Variants in COBL observed in about 807,000 individuals in gnomAD.
COBL encodes cordon-bleu WH2 repeat protein.
Under a neutral mutation model 98.8 loss-of-function variants are expected in COBL, and 51 were observed. The ratio of observed to expected loss-of-function variants is 0.52; its 90% CI spans 0.41 to 0.65. COBL has a LOEUF of 0.65. Among genes scored for constraint, COBL ranks in the 30% least tolerant of loss-of-function variants. COBL has a pLI of 0.00. For missense variants in COBL, 1,617 were observed against 1,617.5 expected, an observed-to-expected ratio of 1.00 and a Z score of 0.01; for synonymous variants, 634 against 651.7, an observed-to-expected ratio of 0.97 and a Z score of 0.41.
chr7:51,114,094 T>A (rs1244529866), intron 6 of COBL, among the ~76,000 whole-genome samples: 1 of 152,206 alleles, frequency 6.6e-6, no homozygotes, highest in South Asian at 2.1e-4. Context: ...TGGGTCTACA[T>A]AAGCGATCTC....
intron 1 of COBL, among the ~76,000 whole-genome samples, chr7:51,285,145 A>T (rs6950642): frequency 6.6e-6 from 1 of 151,558 alleles, no homozygotes; most frequent in Admixed American, 6.6e-5. Context: ...CAGGGTTTCA[A>T]CATCTTGGCC....
intron 2 of COBL, among the ~76,000 whole-genome samples, chr7:51,202,839 G>C (rs1791262320): frequency 6.6e-6 from 1 of 152,144 alleles, no homozygotes; most frequent in Admixed American, 6.5e-5. Flanking sequence ...TCAGGAGTTA[G>C]AGACCAGCCT....
intron 7 of COBL, chr7:51,064,472 GGATA>G (rs1298803528): frequency 1.3e-5 from 2 of 152,086 alleles, no homozygotes; most frequent in Non-Finnish European, 1.5e-5. Flanking sequence ...GACAATGGAT[GGATA>G]AAGAAAATGT....
intron 7 of COBL, among the ~76,000 whole-genome samples, chr7:51,064,193 T>C (rs552349053): frequency 1.3e-5 from 2 of 152,310 alleles, no homozygotes; most frequent in East Asian, 3.9e-4. Context: ...CTACTGTGAT[T>C]GGTTCAGGAA....
chr7:51,315,658 C>T (rs910834202), intron 1 of COBL, among the ~76,000 whole-genome samples: 2 of 152,206 alleles, frequency 1.3e-5, no homozygotes, highest in South Asian at 2.1e-4. Context: ...GCGCTGAAAA[C>T]TACAAAGTCC....
At chr7:51,142,939 G>A (rs1784675676) in intron 5 of COBL, among the ~76,000 whole-genome samples, 2 of 152,146 alleles carry the variant, frequency 1.3e-5, no homozygotes, top group African/African-American at 4.8e-5. Flanking sequence ...AGTGGCCACA[G>A]CAGACCGCAG....
chr7:51,310,605 C>G (rs779410127), intron 1 of COBL, among the ~76,000 whole-genome samples: 1 of 152,104 alleles, frequency 6.6e-6, no homozygotes. Context: ...GAGATGGGAT[C>G]GACCAGCCAG....
intron 6 of COBL, among the ~76,000 whole-genome samples, chr7:51,110,079 T>C (rs1256888741): frequency 1.3e-5 from 2 of 152,236 alleles, no homozygotes; most frequent in Non-Finnish European, 2.9e-5. Context: ...GTAATTGGGA[T>C]ATCTTTAACC....
intron 7 of COBL, among the ~76,000 whole-genome samples, chr7:51,061,943 C>CCACACACACACACACA (rs1298316823): frequency 2.6e-4 from 9 of 35,286 alleles, no homozygotes; most frequent in African/African-American, 8.2e-4. Context: ...TCTCTCCCCA[C>CCACACACACACACACA]CATAGATACA....
intron 1 of COBL, among the ~76,000 whole-genome samples, chr7:51,307,944 G>A (rs12673911): frequency 0.31 from 46,998 of 152,148 alleles, 8,963 homozygotes; most frequent in Non-Finnish European, 0.43. Context: ...TTGTCAGAGC[G>A]CAGATAACCA....
chr7:51,304,197 C>G (rs1255615398), intron 1 of COBL, among the ~76,000 whole-genome samples: 1 of 152,126 alleles, frequency 6.6e-6, no homozygotes, highest in Non-Finnish European at 1.5e-5. Flanking sequence ...TCACAACATC[C>G]AAGAACTGCT....
intron 7 of COBL, among the ~76,000 whole-genome samples, chr7:51,054,012 C>A (rs1790485099): frequency 6.6e-6 from 1 of 152,176 alleles, no homozygotes; most frequent in African/African-American, 2.4e-5. Context: ...GAAACCCTGT[C>A]TTTACAAAAA....
Position 51,028,778 on chromosome 7 carries a change from C to T in COBL, c.2318G>A (p.Cys773Tyr). The T allele has an allele frequency of 6.2e-7, 1 of 1,614,202 alleles. No individual in the cohort carries two copies. Among genetic ancestry groups the T allele is most frequent in the Admixed American group, 1.7e-5 (1 of 60,028 alleles). ...PIGKVREFWR[C>Y]NSVEKHLGRP... ...GCCCAGGTGTTTTTCCACAGAGTTG[C>T]ACCTCCAGAACTCTCTGACTTTCCC... The change falls in exon 10 of 13, where the codon TGC becomes TAC. Residue 773 changes from cysteine to tyrosine, a missense_variant. Around this residue, in one of 3 missense-constraint regions of COBL, gnomAD observed 1,304 missense variants for 1,282.0 expected, o/e 1.02. Transcript: ENST00000265136.
At chr7:51,223,586 C>T (rs527715891) in intron 1 of COBL, among the ~76,000 whole-genome samples, 7 of 152,338 alleles carry the variant, frequency 4.6e-5, no homozygotes, top group African/African-American at 1.2e-4. Flanking sequence ...AATTGGCCTA[C>T]AGCTCCAGTT....
intron 5 of COBL, among the ~76,000 whole-genome samples, chr7:51,153,191 CT>C (rs1317468743): frequency 8.5e-5 from 13 of 152,114 alleles, no homozygotes; most frequent in African/African-American, 2.9e-4. Flanking sequence ...AAAAAAGATA[CT>C]TTTTTATTAG....
chr7:51,039,450 GCCTGGGCAGC>G (rs1788958085), intron 8 of COBL, among the ~76,000 whole-genome samples: 1 of 152,224 alleles, frequency 6.6e-6, no homozygotes, highest in African/African-American at 2.4e-5. Flanking sequence ...GAGTTCTGCT[GCCTGGGCAGC>G]TCCCTGCCAG....
At position 51,123,401 on chromosome 7, in the gene COBL, A is replaced by G. The variant is rs528087472; in HGVS notation, c.957+12757T>C. On this transcript the variant is annotated intron_variant, in intron 6 of 12. Transcript: ENST00000265136. ...CAAGGGAACAGAGTTCTACAGAACAAGAGCCTTGTATCCCTTGTCGCTAAC... is the reference window on the plus strand; with the variant it reads ...CAAGGGAACAGAGTTCTACAGAACAGGAGCCTTGTATCCCTTGTCGCTAAC... 3.2e-4 allele frequency among the ~76,000 whole-genome samples: 49 copies of G among 152,332 alleles called. 1 individual carries two copies. In the South Asian group the frequency reaches 0.01, roughly 32 times the overall value.
At chr7:51,277,315 TGTGC>T (rs1439377821) in intron 1 of COBL, among the ~76,000 whole-genome samples, 1 of 152,198 alleles carries the variant, frequency 6.6e-6, no homozygotes, top group Non-Finnish European at 1.5e-5. Context: ...CATCTGTGTG[TGTGC>T]ATGTGTGCAT....
chr7:51,060,192 G>A (rs1791187277), intron 7 of COBL, among the ~76,000 whole-genome samples: 1 of 152,200 alleles, frequency 6.6e-6, no homozygotes. Context: ...GGTCTTAACA[G>A]GTTGCATTTT....
Sources: gnomAD v4.1 joint callset for allele counts (sites outside exome capture counted in the v4.1 genomes callset) on GRCh38, gnomAD v4.1.1 for gene constraint, gnomAD v4.1.1 regional missense constraint, MANE v1.5 for transcripts, NCBI Gene and HGNC (gene_info 2026-07-23, HGNC 2026-07-21) for gene names.